The following TDP1 variants were observed in gnomAD, a reference collection of about 807,000 sequenced individuals.
TDP1 encodes the protein tyr-DNA phosphodiesterase 1.
In TDP1, 64 loss-of-function variants were observed where a neutral mutation model predicts 81.5. The observed-to-expected ratio is 0.79, with a 90% CI of 0.64 to 0.97. The LOEUF (loss-of-function observed/expected upper bound fraction) is 0.97. Ranked by LOEUF, TDP1 falls within the 50% of genes least tolerant of loss-of-function variation. The pLI is 0.00. For synonymous variants in TDP1, 256 were observed against 264.3 expected (o/e 0.97, Z 0.30); for missense variants, 723 against 743.8 (o/e 0.97, Z 0.33).
At chr14:89,961,041 A>AT (rs1892266731) in intron 2 of TDP1, among the ~76,000 whole-genome samples, 1 of 152,222 alleles carries the variant, frequency 6.6e-6, no homozygotes, top group Non-Finnish European at 1.5e-5. Context: ...ACAGAGATTT[A>AT]TACTGAATGG....
chr14:89,990,647 C>G (rs1385638006), intron 12 of TDP1, among the ~76,000 whole-genome samples: 1 of 134,756 alleles, frequency 7.4e-6, no homozygotes, highest in Non-Finnish European at 1.6e-5. Context: ...TTTTGTGCCT[C>G]TAATAGGCTA....
chr14:89,997,139 A>G (rs1896708600), intron 14 of TDP1, among the ~76,000 whole-genome samples: 1 of 152,158 alleles, frequency 6.6e-6, no homozygotes, highest in Admixed American at 6.5e-5. Context: ...GGCTTCCATA[A>G]TGCCCTAGAT....
At chr14:90,022,809 C>T (rs924591969) in intron 15 of TDP1, 1 of 977,384 alleles carries the variant, frequency 1.0e-6, no homozygotes, top group Non-Finnish European at 1.2e-6. Context: ...TGAGGATGAC[C>T]CAGAGATTTG....
chr14:89,972,604 A>G lies in TDP1; in HGVS notation c.756+1333A>G, dbSNP rs35681231. ...CATTAGGATCCATTTCTTTAGACTC[A>G]TCATCTAAAAAGATCTTCTATTACA... On this transcript the variant is annotated intron_variant, in intron 6 of 16. Coordinates refer to ENST00000335725, the MANE Select transcript of TDP1 (RefSeq NM_018319.4). Among the ~76,000 whole-genome samples, 334 of 152,362 alleles carry G rather than the reference A, an allele frequency of 2.2e-3. 3 individuals carry two copies. The highest frequency in any genetic ancestry group is 7.3e-3 in the African/African-American group (302 of 41,578).
chr14:90,003,599 C>G (rs902517151), intron 14 of TDP1, among the ~76,000 whole-genome samples: 2 of 152,106 alleles, frequency 1.3e-5, no homozygotes, highest in Non-Finnish European at 2.9e-5. Flanking sequence ...AGGATAGTGC[C>G]TAGGTGTAAT....
intron 8 of TDP1, among the ~76,000 whole-genome samples, chr14:89,982,151 G>T (rs995952154): frequency 6.6e-6 from 1 of 152,068 alleles, no homozygotes; most frequent in Admixed American, 6.6e-5. Flanking sequence ...CCCCACCATA[G>T]CATGTGGCTT....
rs568309567 is a variant in TDP1, at chr14:89,971,053, C to A, written c.660-122C>A. On this transcript the variant is annotated intron_variant, in intron 5 of 16. Coordinates refer to ENST00000335725, the MANE Select transcript of TDP1 (RefSeq NM_018319.4). ...GTTTCACCATGTTGGCCAGTCTGGT[C>A]TCGAACTCCTGACCTCAGGTAGTCC... is the stretch of plus-strand genomic sequence containing the variant. 10 of 777,766 alleles carry A rather than the reference C, an allele frequency of 1.3e-5. No homozygotes were observed. In the African/African-American group the frequency reaches 1.5e-4, roughly 12 times the overall value. 48.2% of individuals were successfully genotyped at this position (777,766 alleles called of 1,614,324 possible).
At chr14:89,981,025 GT>G (rs1385693375) in intron 8 of TDP1, among the ~76,000 whole-genome samples, 5 of 152,162 alleles carry the variant, frequency 3.3e-5, no homozygotes, top group African/African-American at 1.2e-4. Context: ...TGAACCTATT[GT>G]TTTCCTAGTA....
At chr14:90,042,662 C>T (rs562243172) in intron 16 of TDP1, among the ~76,000 whole-genome samples, 19 of 152,268 alleles carry the variant, frequency 1.2e-4, no homozygotes, top group South Asian at 1.2e-3. Context: ...GTGGCAGGCA[C>T]GAGAGCACTT....
chr14:89,965,890 T>C (rs551737898), intron 3 of TDP1: 7 of 983,148 alleles, frequency 7.1e-6, no homozygotes, highest in Non-Finnish European at 1.2e-6. Context: ...CTAAACTTGA[T>C]CAATCATTCA....
chr14:90,034,997 C>G (rs1373857574), intron 16 of TDP1, among the ~76,000 whole-genome samples: 1 of 152,048 alleles, frequency 6.6e-6, no homozygotes, highest in African/African-American at 2.4e-5. Context: ...GCTAACCATT[C>G]TCAGCTTTCA....
intron 16 of TDP1, among the ~76,000 whole-genome samples, chr14:90,040,037 G>A (rs771451227): frequency 3.3e-5 from 5 of 152,188 alleles, no homozygotes; most frequent in African/African-American, 4.8e-5. Context: ...GAGGCACACA[G>A]TATGACCACA....
intron 6 of TDP1, among the ~76,000 whole-genome samples, chr14:89,971,776 G>A (rs1213126612): frequency 6.6e-6 from 1 of 152,216 alleles, no homozygotes; most frequent in Non-Finnish European, 1.5e-5. Context: ...TCCTCTGGAT[G>A]TAGTTCAGTG....
intron 5 of TDP1, among the ~76,000 whole-genome samples, chr14:89,968,044 A>G (rs1893154458): frequency 6.6e-6 from 1 of 152,040 alleles, no homozygotes; most frequent in South Asian, 2.1e-4. Context: ...AGAAATAATG[A>G]TTGTCAGGGT....
intron 8 of TDP1, chr14:89,983,165 G>A (rs1455044258): frequency 2.2e-6 from 1 of 455,870 alleles, no homozygotes; most frequent in Non-Finnish European, 4.4e-6. Context: ...CTCAGCCTGG[G>A]AACTTTGAGG....
intron 9 of TDP1, 132 bp downstream of exon 9, chr14:89,984,815 A>T: frequency 6.3e-7 from 1 of 1,579,408 alleles, no homozygotes. Context: ...TGATGAGGGG[A>T]TGAGCAGATT....
chr14:89,969,755 G>T (rs1327685375), intron 5 of TDP1, among the ~76,000 whole-genome samples: 1 of 152,146 alleles, frequency 6.6e-6, no homozygotes, highest in Non-Finnish European at 1.5e-5. Context: ...CTTTGTGAAT[G>T]GTAGAGAATC....
At chr14:90,008,483 A>G (rs1390682131) in intron 14 of TDP1, among the ~76,000 whole-genome samples, 1 of 152,202 alleles carries the variant, frequency 6.6e-6, no homozygotes, top group Non-Finnish European at 1.5e-5. Flanking sequence ...TTCTTACTCT[A>G]CCACCTAGTA....
At chr14:90,001,532 T>C (rs1252837772) in intron 14 of TDP1, among the ~76,000 whole-genome samples, 1 of 152,226 alleles carries the variant, frequency 6.6e-6, no homozygotes, top group Non-Finnish European at 1.5e-5. Flanking sequence ...ATTGTGATCT[T>C]TGGTAATTAT....
Sources: gnomAD v4.1 joint callset for allele counts (sites outside exome capture counted in the v4.1 genomes callset) on GRCh38, gnomAD v4.1.1 for gene constraint, MANE v1.5 for transcripts, NCBI Gene and HGNC (gene_info 2026-07-23, HGNC 2026-07-21) for gene names.